TMEM156: variants seen among roughly 807,000 people sequenced by gnomAD.
TMEM156 encodes transmembrane protein 156.
TMEM156 carries 28 observed loss-of-function variants against 30.5 expected under a neutral mutation model. The ratio of observed to expected loss-of-function variants is 0.92; its 90% confidence interval spans 0.68 to 1.26. The LOEUF is 1.26. TMEM156 is among the 50% of genes most tolerant of loss of function. The pLI is 0.00. For synonymous variants in TMEM156, 137 were observed against 119.9 expected, an observed-to-expected ratio of 1.14 and a Z score of -0.93; for missense variants, 351 against 340.6, an observed-to-expected ratio of 1.03 and a Z score of -0.24.
intron 5 of TMEM156, among the ~76,000 whole-genome samples, chr4:38,983,534 G>A (rs1711737350): frequency 6.6e-6 from 1 of 152,146 alleles, no homozygotes; most frequent in East Asian, 1.9e-4. Context: ...GAGTAGCAGG[G>A]ACTATAAGCA....
chr4:39,019,462 A>C (rs1714718221), intron 1 of TMEM156, among the ~76,000 whole-genome samples: 1 of 152,120 alleles, frequency 6.6e-6, no homozygotes, highest in Admixed American at 6.6e-5. Flanking sequence ...ATTGTTTTTT[A>C]GAATCACAAA....
At chr4:38,986,898 T>A (rs763148070) in intron 4 of TMEM156, among the ~76,000 whole-genome samples, 8 of 144,696 alleles carry the variant, frequency 5.5e-5, no homozygotes, top group Non-Finnish European at 1.2e-4. Context: ...TTTATCTTAT[T>A]ATATACATAG....
intron 5 of TMEM156, among the ~76,000 whole-genome samples, chr4:38,973,077 C>A (rs1032253961): frequency 6.6e-6 from 1 of 152,150 alleles, no homozygotes; most frequent in Non-Finnish European, 1.5e-5. Context: ...TTAAAAGTCA[C>A]CCTAATGTGA....
Position 38,972,685 on chromosome 4 carries a change from G to A in TMEM156, c.824-1548C>T, listed in dbSNP as rs1002168601. 5.3e-5 allele frequency among the ~76,000 whole-genome samples: 8 copies of A among 151,918 alleles called. No homozygotes were observed. The East Asian group carries it at 7.7e-4, about 15-fold the overall frequency. On this transcript the variant is annotated intron_variant, in intron 5 of 6. Transcript: ENST00000381938. ...GTTTTTGGAAGAATTTATTCTGAAT[G>A]AGCCTGAGCAACCTTTCACGTGTGT...
intron 1 of TMEM156, among the ~76,000 whole-genome samples, chr4:39,020,670 C>T (rs1230544748): frequency 1.3e-5 from 2 of 152,092 alleles, no homozygotes; most frequent in Non-Finnish European, 1.5e-5. Context: ...CTGCTTCAGC[C>T]TCCCGAGTAG....
chr4:39,000,468 C>T (rs10030495), intron 1 of TMEM156, among the ~76,000 whole-genome samples: 1,999 of 152,208 alleles, frequency 0.013, 42 homozygotes, highest in African/African-American at 0.045. Context: ...TTAATCTCCA[C>T]GAGTCTAATT....
chr4:39,003,743 T>A (rs1577556788), intron 1 of TMEM156, among the ~76,000 whole-genome samples: 1 of 152,192 alleles, frequency 6.6e-6, no homozygotes, highest in East Asian at 1.9e-4. Context: ...TTTTTTAATA[T>A]CACTAAAATA....
In TMEM156 at chr4:38,998,727, T is replaced by A; in HGVS notation, c.271A>T (p.Thr91Ser). 1 of 1,613,872 alleles carries A rather than the reference T, an allele frequency of 6.2e-7. No homozygotes were observed. The highest frequency in any genetic ancestry group is 8.5e-7 in the Non-Finnish European group (1 of 1,179,910). ...GAGGAGCACATTTTAAATTCACCTGTGATGTCTTGGCAAGTCCTGGTGAAG... is the reference window on the plus strand; with the variant it reads ...GAGGAGCACATTTTAAATTCACCTGAGATGTCTTGGCAAGTCCTGGTGAAG... ...RNFTRTCQDI[T>S]GEFKMCSSCL... Residue 91 changes from threonine to serine, a missense_variant, in exon 2 of 7, where the codon ACA becomes TCA. Physicochemically the swap from Thr to Ser is moderately conservative, Grantham distance 58. Transcript: ENST00000381938.
At chr4:38,985,063 A>G (rs1466652320) in intron 5 of TMEM156, among the ~76,000 whole-genome samples, 1 of 152,194 alleles carries the variant, frequency 6.6e-6, no homozygotes, top group East Asian at 1.9e-4. Context: ...GAAAACAGAA[A>G]CGACCAGAAT....
intron 3 of TMEM156, among the ~76,000 whole-genome samples, chr4:38,993,312 T>A (rs1413857626): frequency 6.6e-6 from 1 of 151,808 alleles, no homozygotes; most frequent in Non-Finnish European, 1.5e-5. Flanking sequence ...ACACCTGTAG[T>A]CCCAGCTACT....
chr4:38,993,469 A>T lies in TMEM156; in HGVS notation c.619+269T>A, dbSNP rs1192422662. On this transcript the variant is annotated intron_variant, in intron 3 of 6. Transcript: ENST00000381938. The stretch of plus-strand genomic sequence containing the variant: ...CCACCCCACTGCAACAATAAAAAAA[A>T]ATTATTCTGAGGCAGAAGGTCTTTC... Among the ~76,000 whole-genome samples the T allele has an allele frequency of 2.0e-5, 3 of 152,168 alleles. No individual in the cohort carries two copies. The East Asian group carries it at 5.8e-4, about 29-fold the overall frequency.
In TMEM156 at chr4:38,978,305, T is replaced by C. The variant is rs28451492; in HGVS notation, c.824-7168A>G. Among the ~76,000 whole-genome samples the C allele has an allele frequency of 7.4e-3, 1,122 of 152,254 alleles. 17 individuals carry two copies. Among genetic ancestry groups the C allele is most frequent in the African/African-American group, 0.025 (1,058 of 41,550 alleles). On this transcript the variant is annotated intron_variant, in intron 5 of 6. Transcript: ENST00000381938. Reference sequence around the variant, plus strand: ...AGAAGGAGTAAATAGGGTTAGGAGATCACACAGTATCTGTCCCTCTGTGCC... The same window carrying C: ...AGAAGGAGTAAATAGGGTTAGGAGACCACACAGTATCTGTCCCTCTGTGCC...
intron 1 of TMEM156, among the ~76,000 whole-genome samples, chr4:39,013,242 A>T (rs1440125078): frequency 6.6e-6 from 1 of 150,964 alleles, no homozygotes; most frequent in Non-Finnish European, 1.5e-5. Context: ...CAGAGGCTGC[A>T]GTGAGCAGAG....
chr4:38,990,833 T>TTTTG (rs1560365293), intron 3 of TMEM156, among the ~76,000 whole-genome samples: 2 of 117,160 alleles, frequency 1.7e-5, no homozygotes, highest in African/African-American at 6.3e-5. Context: ...TTTTCTGGTT[T>TTTTG]TTTTTTTTTT....
intron 1 of TMEM156, among the ~76,000 whole-genome samples, chr4:39,024,767 T>C (rs1715092543): frequency 6.6e-6 from 1 of 152,220 alleles, no homozygotes; most frequent in South Asian, 2.1e-4. Context: ...CAAACCCCAG[T>C]GACATGCATT....
intron 5 of TMEM156, among the ~76,000 whole-genome samples, chr4:38,985,109 T>G (rs1321618128): frequency 6.6e-6 from 1 of 152,188 alleles, no homozygotes; most frequent in Non-Finnish European, 1.5e-5. Flanking sequence ...AGAACTGTGT[T>G]AAAACTGTCC....
chr4:39,030,496 T>C (rs904010675), intron 1 of TMEM156, among the ~76,000 whole-genome samples: 2 of 152,206 alleles, frequency 1.3e-5, no homozygotes, highest in African/African-American at 4.8e-5. Context: ...AATTTCTCTG[T>C]GCTTCATCTA....
At chr4:39,013,559 C>T (rs1254676988) in intron 1 of TMEM156, among the ~76,000 whole-genome samples, 2 of 151,920 alleles carry the variant, frequency 1.3e-5, no homozygotes, top group Non-Finnish European at 2.9e-5. Context: ...CCTCACCACG[C>T]CCAGCTAATT....
Position 38,998,448 on chromosome 4 carries a change from G to A in TMEM156, c.358+192C>T, listed in dbSNP as rs999149283. The A allele has an allele frequency of 3.1e-5, 10 of 319,706 alleles. No individual in the cohort carries two copies. The South Asian group carries it at 7.7e-4, about 25-fold the overall frequency. 19.8% of individuals were successfully genotyped at this position (319,706 alleles called of 1,614,324 possible). On this transcript the variant is annotated intron_variant, in intron 2 of 6. Transcript: ENST00000381938. The stretch of plus-strand genomic sequence containing the variant: ...GGTCCCAGCTACTCGGGAGGCTGAG[G>A]CAGGAGAATTCCTTGAACCTGGGAG...
Sources: allele counts gnomAD v4.1 joint callset (sites outside exome capture counted in the v4.1 genomes callset), GRCh38; gene constraint gnomAD v4.1.1; transcripts MANE v1.5; gene names NCBI Gene and HGNC (gene_info 2026-07-23, HGNC 2026-07-21).